The following SPIRE1 variants were observed in gnomAD, a reference collection of about 807,000 sequenced individuals.
SPIRE1 encodes protein spire homolog 1.
SPIRE1 carries 40 observed loss-of-function variants against 94.1 expected under a neutral mutation model. That is an observed-to-expected ratio of 0.43 (90% CI 0.33 to 0.55). The LOEUF (loss-of-function observed/expected upper bound fraction) is 0.55. Among genes scored for constraint, SPIRE1 ranks in the 20% least tolerant of loss-of-function variants. The probability of loss-of-function intolerance (pLI) is 0.06; values close to 1 mark genes in which losing one functional copy is unlikely to be tolerated. For missense variants in SPIRE1, 838 were observed against 975.2 expected (o/e 0.86, Z 1.87); for synonymous variants, 376 against 371.7 (o/e 1.01, Z -0.13).
At position 12,446,933 on chromosome 18, in the gene SPIRE1, A is replaced by G. The variant is rs2030960451; in HGVS notation, c.*2705T>C. 1.3e-5 allele frequency: 2 copies of G among 152,246 alleles called. No individual in the cohort carries two copies. Among genetic ancestry groups the G allele is most frequent in the African/African-American group, 4.8e-5 (2 of 41,470 alleles). The allele number at this position is 152,246 out of a possible 1,614,324, so 9.4% of individuals were successfully genotyped here. On this transcript the variant is annotated 3_prime_UTR_variant, in exon 17 of 17. Coordinates refer to ENST00000409402, the MANE Select transcript of SPIRE1 (RefSeq NM_001128626.2). ...TCCTTAAGAATTAAAATCTAGTAAG[A>G]TTGTTAAATCAACGTACGTCAATCA...
chr18:12,601,690 T>C (rs1316326325), intron 2 of SPIRE1, among the ~76,000 whole-genome samples: 1 of 152,188 alleles, frequency 6.6e-6, no homozygotes, highest in Non-Finnish European at 1.5e-5. Flanking sequence ...TCTACAGTTT[T>C]GCCATTTCTG....
At chr18:12,634,976 C>A in intron 2 of SPIRE1, 86 bp downstream of exon 2, 1 of 705,648 alleles carries the variant, frequency 1.4e-6, no homozygotes, top group South Asian at 1.7e-5. Context: ...GACCAAGAAC[C>A]TATAGTGAGA....
At chr18:12,558,520 T>C (rs531770309) in intron 2 of SPIRE1, among the ~76,000 whole-genome samples, 1 of 152,326 alleles carries the variant, frequency 6.6e-6, no homozygotes, top group South Asian at 2.1e-4. Context: ...TTTTATTCTC[T>C]TATCTGGCCC....
intron 2 of SPIRE1, among the ~76,000 whole-genome samples, chr18:12,580,329 C>T (rs1218608617): frequency 6.8e-6 from 1 of 147,818 alleles, no homozygotes; most frequent in Non-Finnish European, 1.5e-5. Flanking sequence ...CTCTCTCTCT[C>T]TTTTTTTTTT....
chr18:12,468,067 T>A (rs2032196906), intron 10 of SPIRE1, among the ~76,000 whole-genome samples: 1 of 152,162 alleles, frequency 6.6e-6, no homozygotes, highest in African/African-American at 2.4e-5. Context: ...CCAGTTAGAG[T>A]TAAATTCTGT....
intron 2 of SPIRE1, among the ~76,000 whole-genome samples, chr18:12,628,324 GT>G (rs2037686806): frequency 6.6e-6 from 1 of 152,038 alleles, no homozygotes; most frequent in Admixed American, 6.6e-5. Flanking sequence ...CCCATTTCTT[GT>G]TTTTGTCAGG....
intron 6 of SPIRE1, among the ~76,000 whole-genome samples, chr18:12,497,972 A>G (rs1416223897): frequency 6.6e-6 from 1 of 152,192 alleles, no homozygotes; most frequent in African/African-American, 2.4e-5. Flanking sequence ...TCCCAATTAC[A>G]GATGTGGGAC....
intron 16 of SPIRE1, chr18:12,450,751 C>G (rs756297245): frequency 1.2e-4 from 86 of 696,192 alleles, no homozygotes; most frequent in Middle Eastern, 3.8e-4. Flanking sequence ...TCTTCCTGCT[C>G]TGTTCAGAAT....
intron 4 of SPIRE1, among the ~76,000 whole-genome samples, chr18:12,531,520 G>A: frequency 6.6e-6 from 1 of 152,162 alleles, no homozygotes; most frequent in East Asian, 1.9e-4. Flanking sequence ...CCGGACTGAA[G>A]GGTATGATGA....
intron 3 of SPIRE1, among the ~76,000 whole-genome samples, chr18:12,545,366 T>C (rs2035132784): frequency 6.6e-6 from 1 of 152,032 alleles, no homozygotes. Flanking sequence ...CTTTCCAGAG[T>C]CCTTGAGAGT....
intron 3 of SPIRE1, among the ~76,000 whole-genome samples, chr18:12,541,435 C>T (rs558324681): frequency 5.3e-5 from 8 of 152,256 alleles, no homozygotes; most frequent in African/African-American, 1.9e-4. Context: ...GTACATTTGT[C>T]TACTTCCCCT....
At chr18:12,478,181 T>A (rs1598911283) in intron 10 of SPIRE1, among the ~76,000 whole-genome samples, 1 of 151,928 alleles carries the variant, frequency 6.6e-6, no homozygotes, top group Non-Finnish European at 1.5e-5. Flanking sequence ...ATTCCTCAGA[T>A]TCTACCTTGG....
At chr18:12,617,824 G>A (rs2144723134) in intron 2 of SPIRE1, among the ~76,000 whole-genome samples, 1 of 152,242 alleles carries the variant, frequency 6.6e-6, no homozygotes, top group East Asian at 1.9e-4. Flanking sequence ...CCAAAGTGCT[G>A]GGGTTCCAGA....
chr18:12,466,454 T>A (rs1204812757), intron 10 of SPIRE1, among the ~76,000 whole-genome samples: 1 of 152,030 alleles, frequency 6.6e-6, no homozygotes, highest in Non-Finnish European at 1.5e-5. Flanking sequence ...TTTTTGTATT[T>A]TTTTGTGTGT....
chr18:12,656,729 G>T, intron 1 of SPIRE1: 1 of 975,976 alleles, frequency 1.0e-6, no homozygotes, highest in Non-Finnish European at 1.2e-6. Flanking sequence ...ATGAGCATCT[G>T]AGTAAACCCT....
At chr18:12,610,748 G>GT (rs2144683730) in intron 2 of SPIRE1, among the ~76,000 whole-genome samples, 1 of 152,116 alleles carries the variant, frequency 6.6e-6, no homozygotes, top group African/African-American at 2.4e-5. Context: ...ACTGTCCTTG[G>GT]TGACTATAAC....
chr18:12,545,138 T>C (rs2035125023), intron 3 of SPIRE1, among the ~76,000 whole-genome samples: 1 of 152,236 alleles, frequency 6.6e-6, no homozygotes, highest in South Asian at 2.1e-4. Context: ...GCAGAAAGTT[T>C]AATTGGCCTT....
At chr18:12,542,572 C>T (rs1433069837) in intron 3 of SPIRE1, among the ~76,000 whole-genome samples, 1 of 152,030 alleles carries the variant, frequency 6.6e-6, no homozygotes, top group Non-Finnish European at 1.5e-5. Flanking sequence ...GCTCCACCTG[C>T]CCCCTTCCCT....
chr18:12,647,686 C>CA (rs1388456801), intron 1 of SPIRE1, among the ~76,000 whole-genome samples: 2 of 152,126 alleles, frequency 1.3e-5, no homozygotes, highest in Admixed American at 6.6e-5. Context: ...CCCAGAAGTT[C>CA]AAAGTTACAG....
Sources: gnomAD v4.1 joint callset for allele counts (sites outside exome capture counted in the v4.1 genomes callset) on GRCh38, gnomAD v4.1.1 for gene constraint, MANE v1.5 for transcripts, NCBI Gene and HGNC (gene_info 2026-07-23, HGNC 2026-07-21) for gene names.